The following ZNRF3 variants were observed in gnomAD, a reference collection of about 807,000 sequenced individuals.
ZNRF3 encodes zinc and ring finger 3, also known as E3 ubiquitin-protein ligase ZNRF3.
Under a neutral mutation model 72.5 loss-of-function variants are expected in ZNRF3, and 23 were observed. The observed-to-expected ratio is 0.32, with a 90% CI of 0.23 to 0.45. ZNRF3 has a LOEUF of 0.45. Ranked by LOEUF, ZNRF3 falls within the 20% of genes least tolerant of loss-of-function variation. The pLI is 1.00. For synonymous variants in ZNRF3, 610 were observed against 545.3 expected (o/e 1.12, Z -1.65); for missense variants, 1,169 against 1,272.1 (o/e 0.92, Z 1.23).
chr22:28,884,763 A>G (rs1397355993), intron 1 of ZNRF3, among the ~76,000 whole-genome samples: 1 of 152,176 alleles, frequency 6.6e-6, no homozygotes, highest in East Asian at 1.9e-4. Context: ...AGGACCTGCA[A>G]ATGGGGAGAT....
intron 1 of ZNRF3, among the ~76,000 whole-genome samples, chr22:28,884,735 G>T (rs2033743792): frequency 6.6e-6 from 1 of 152,170 alleles, no homozygotes; most frequent in African/African-American, 2.4e-5. Context: ...CCCGTCCCTC[G>T]GCCAAAGACT....
At chr22:29,031,724 C>T (rs2036761444) in intron 2 of ZNRF3, 6 of 719,482 alleles carry the variant, frequency 8.3e-6, no homozygotes, top group Non-Finnish European at 1.0e-5. Flanking sequence ...TAGGACCCGC[C>T]AAGAGGGACC....
intron 2 of ZNRF3, among the ~76,000 whole-genome samples, chr22:28,992,412 G>A (rs1002387808): frequency 4.0e-5 from 6 of 151,852 alleles, no homozygotes; most frequent in Admixed American, 1.3e-4. Flanking sequence ...GGATGCCAGC[G>A]GCCCCCTCCT....
chr22:28,902,335 G>A (rs949008194), intron 1 of ZNRF3, among the ~76,000 whole-genome samples: 6 of 151,992 alleles, frequency 3.9e-5, no homozygotes, highest in African/African-American at 1.4e-4. Context: ...GGAGGACAGA[G>A]CAGTAGTTTT....
chr22:29,053,668 T>C lies in ZNRF3; in HGVS notation c.*46T>C. The C allele has an allele frequency of 6.4e-7, 1 of 1,551,724 alleles. No individual in the cohort carries two copies. Among genetic ancestry groups the C allele is most frequent in the African/African-American group, 1.4e-5 (1 of 72,054 alleles). On this transcript the variant is annotated 3_prime_UTR_variant, in exon 9 of 9. Coordinates refer to ENST00000544604, the MANE Select transcript of ZNRF3 (RefSeq NM_001206998.2). Reference sequence around the variant, plus strand: ...TGGAAATTGGGAACTGTATGGAGACTCCAAACTGACTTCTTTCAAAAAACA... The same window carrying C: ...TGGAAATTGGGAACTGTATGGAGACCCCAAACTGACTTCTTTCAAAAAACA...
chr22:28,963,372 C>T (rs1355962103), intron 1 of ZNRF3, among the ~76,000 whole-genome samples: 11 of 152,082 alleles, frequency 7.2e-5, no homozygotes, highest in Admixed American at 6.6e-4. Context: ...TGGTGAGTTT[C>T]CAAATGAAGG....
At chr22:28,943,348 T>C (rs2034985051) in intron 1 of ZNRF3, among the ~76,000 whole-genome samples, 1 of 152,186 alleles carries the variant, frequency 6.6e-6, no homozygotes, top group Admixed American at 6.5e-5. Flanking sequence ...CAACCGATCC[T>C]TTGACGATGA....
At chr22:29,022,805 T>C (rs1188251950) in intron 2 of ZNRF3, among the ~76,000 whole-genome samples, 2 of 152,236 alleles carry the variant, frequency 1.3e-5, no homozygotes, top group African/African-American at 4.8e-5. Flanking sequence ...ATCTCCCTTA[T>C]AAGCTACCAT....
At chr22:28,983,502 C>T (rs1233448416) in intron 1 of ZNRF3, among the ~76,000 whole-genome samples, 1 of 152,204 alleles carries the variant, frequency 6.6e-6, no homozygotes, top group Non-Finnish European at 1.5e-5. Flanking sequence ...GCTTTGGCTT[C>T]AGCTGCCTCT....
chr22:28,918,593 A>C (rs1601556668), intron 1 of ZNRF3, among the ~76,000 whole-genome samples: 1 of 150,916 alleles, frequency 6.6e-6, no homozygotes, highest in East Asian at 2.0e-4. Flanking sequence ...AAGTCTCCTC[A>C]AAAGGAGTAT....
At chr22:29,022,029 A>G (rs1204278411) in intron 2 of ZNRF3, among the ~76,000 whole-genome samples, 1 of 152,024 alleles carries the variant, frequency 6.6e-6, no homozygotes, top group African/African-American at 2.4e-5. Context: ...AACACCAGAC[A>G]ACTACTGATC....
At chr22:28,893,175 T>TA (rs1009511825) in intron 1 of ZNRF3, among the ~76,000 whole-genome samples, 69 of 151,908 alleles carry the variant, frequency 4.5e-4, no homozygotes, top group African/African-American at 1.6e-3. Context: ...TCAAAAAAAA[T>TA]AAAAAAATAA....
chr22:29,034,998 CCTTTTTT>C (rs1410886571), intron 2 of ZNRF3, among the ~76,000 whole-genome samples: 12 of 127,326 alleles, frequency 9.4e-5, no homozygotes, highest in African/African-American at 3.6e-4. Context: ...CTTTGTTAGA[CCTTTTTT>C]TTTTTTTTTT....
chr22:28,894,285 G>A (rs1240516281), intron 1 of ZNRF3, among the ~76,000 whole-genome samples: 5 of 151,652 alleles, frequency 3.3e-5, no homozygotes, highest in African/African-American at 4.9e-5. Flanking sequence ...ACAAAATGTC[G>A]TAAAAGTGAA....
intron 1 of ZNRF3, among the ~76,000 whole-genome samples, chr22:28,945,760 C>T (rs1165672086): frequency 6.6e-6 from 1 of 151,990 alleles, no homozygotes; most frequent in Non-Finnish European, 1.5e-5. Context: ...GATCTCTTGA[C>T]CTCGTGATCT....
intron 1 of ZNRF3, among the ~76,000 whole-genome samples, chr22:28,951,333 G>A (rs771255250): frequency 3.9e-5 from 6 of 152,096 alleles, no homozygotes; most frequent in Admixed American, 6.5e-5. Flanking sequence ...AATTAAGGTC[G>A]TCAGGGTGGG....
rs770890549 is a variant in ZNRF3, at chr22:29,049,234, C to T, written c.1053C>T (p.Thr351=). ...ACCCAAGCGCGGTGTGTGTGGAGACCAGCAACCTCTCACGTGGTCGGCAGC... is the reference window on the plus strand; with the variant it reads ...ACCCAAGCGCGGTGTGTGTGGAGACTAGCAACCTCTCACGTGGTCGGCAGC... The part of the protein sequence containing the change: ...KGNPSAVCVE[T]SNLSRGRQQR... The change falls in exon 8 of 9, where the codon ACC becomes ACT. Residue 351 remains threonine (T), a synonymous_variant. Coordinates refer to ENST00000544604, the MANE Select transcript of ZNRF3 (RefSeq NM_001206998.2). This position sits in a 1 kb window ranked among gnomAD's most constrained non-coding sequence, Gnocchi z 5.2. 7 of 1,611,534 alleles carry T rather than the reference C, an allele frequency of 4.3e-6. No individual in the cohort carries two copies. Among genetic ancestry groups the T allele is most frequent in the Middle Eastern group, 3.3e-4 (2 of 6,046 alleles).
At chr22:29,020,928 C>T (rs1237838233) in intron 2 of ZNRF3, among the ~76,000 whole-genome samples, 1 of 151,974 alleles carries the variant, frequency 6.6e-6, no homozygotes, top group East Asian at 1.9e-4. Flanking sequence ...TCCTGAGTAG[C>T]TAGGATTACA....
At chr22:29,001,483 T>C (rs2123842645) in intron 2 of ZNRF3, among the ~76,000 whole-genome samples, 1 of 149,842 alleles carries the variant, frequency 6.7e-6, no homozygotes, top group Admixed American at 6.6e-5. Flanking sequence ...TTTTTTTTTT[T>C]TTTTTTGAGA....
Sources: gnomAD v4.1 joint callset for allele counts (sites outside exome capture counted in the v4.1 genomes callset) on GRCh38, gnomAD v4.1.1 for gene constraint, Gnocchi (gnomAD v3.1) non-coding constraint, MANE v1.5 for transcripts, NCBI Gene and HGNC (gene_info 2026-07-23, HGNC 2026-07-21) for gene names.